LINGO2: variants seen among roughly 807,000 people sequenced by gnomAD.
LINGO2 encodes leucine rich repeat and Ig domain containing 2.
Under a neutral mutation model 30.6 loss-of-function variants are expected in LINGO2, and 14 were observed. The ratio of observed to expected loss-of-function variants is 0.46; its 90% confidence interval spans 0.30 to 0.72. LINGO2 has a LOEUF of 0.72. LINGO2 is among the 30% of genes least tolerant of loss of function. The pLI is 0.07. For synonymous variants in LINGO2, 317 were observed against 288.5 expected, an observed-to-expected ratio of 1.10 and a Z score of -1.00; for missense variants, 729 against 751.7, an observed-to-expected ratio of 0.97 and a Z score of 0.35.
intron 2 of LINGO2, among the ~76,000 whole-genome samples, chr9:28,430,101 C>CGG: frequency 1.3e-5 from 1 of 77,046 alleles, no homozygotes; most frequent in Admixed American, 1.1e-4. Context: ...TTTCCACGCG[C>CGG]GCGCGCGCGT....
chr9:29,170,770 G>A, the LINGO2 span, among the ~76,000 whole-genome samples: 3 of 151,594 alleles, frequency 2.0e-5, no homozygotes, highest in Admixed American at 1.3e-4. Flanking sequence ...CTCCATAGGG[G>A]AAATATAAAT....
chr9:28,066,671 T>C (rs547190965), intron 4 of LINGO2, among the ~76,000 whole-genome samples: 2 of 152,180 alleles, frequency 1.3e-5, no homozygotes, highest in East Asian at 3.9e-4. Flanking sequence ...TTAGAAGAAA[T>C]ACCTGCTGTT....
At chr9:28,901,359 C>T in the LINGO2 span, among the ~76,000 whole-genome samples, 2 of 151,972 alleles carry the variant, frequency 1.3e-5, no homozygotes, top group East Asian at 3.8e-4. Context: ...ATTAGTAACA[C>T]AAAACATATT....
At chr9:28,886,337 A>G in the LINGO2 span, among the ~76,000 whole-genome samples, 1 of 152,110 alleles carries the variant, frequency 6.6e-6, no homozygotes, top group Non-Finnish European at 1.5e-5. Context: ...CTATGAAAAA[A>G]ATTTTTAAAA....
At chr9:28,184,948 C>CAAA (rs1353508733) in intron 4 of LINGO2, among the ~76,000 whole-genome samples, 19 of 152,044 alleles carry the variant, frequency 1.2e-4, no homozygotes, top group African/African-American at 4.6e-4. Flanking sequence ...TAAAACAAAA[C>CAAA]ACAACAAAAC....
the LINGO2 span, among the ~76,000 whole-genome samples, chr9:28,935,197 A>G: frequency 6.6e-6 from 1 of 152,180 alleles, no homozygotes; most frequent in Non-Finnish European, 1.5e-5. Flanking sequence ...AACAGGGTAT[A>G]TATCATGAAG....
intron 5 of LINGO2, among the ~76,000 whole-genome samples, chr9:27,994,086 A>T (rs759749853): frequency 6.6e-6 from 1 of 152,138 alleles, no homozygotes; most frequent in Non-Finnish European, 1.5e-5. Flanking sequence ...AAGGAAACTT[A>T]AAAATTTCTT....
exon 6 of LINGO2, chr9:27,950,564 G>A: frequency 6.5e-7 from 1 of 1,546,080 alleles, no homozygotes; most frequent in Admixed American, 1.9e-5. Context: ...ATTTGTTCTG[G>A]GCAGAGCACT....
chr9:28,035,198 C>A (rs1379732556), intron 4 of LINGO2, among the ~76,000 whole-genome samples: 4 of 152,222 alleles, frequency 2.6e-5, no homozygotes, highest in Admixed American at 2.6e-4. Flanking sequence ...CTTTTGTCAG[C>A]ATACTGCTAA....
chr9:28,909,039 T>A, the LINGO2 span, among the ~76,000 whole-genome samples: 1 of 151,926 alleles, frequency 6.6e-6, no homozygotes, highest in Non-Finnish European at 1.5e-5. Context: ...AACAAACAAA[T>A]AAGTTGTATC....
chr9:28,820,791 A>C, the LINGO2 span, among the ~76,000 whole-genome samples: 23 of 152,202 alleles, frequency 1.5e-4, no homozygotes, highest in African/African-American at 5.1e-4. Flanking sequence ...GTTTTGGCTA[A>C]TAGAGCTGTG....
chr9:28,300,092 A>G (rs1824079270), intron 3 of LINGO2, among the ~76,000 whole-genome samples: 1 of 150,840 alleles, frequency 6.6e-6, no homozygotes, highest in African/African-American at 2.4e-5. Context: ...TTTGAAAGCA[A>G]CAGATGACCT....
the LINGO2 span, among the ~76,000 whole-genome samples, chr9:29,040,784 C>T: frequency 6.6e-6 from 1 of 151,946 alleles, no homozygotes; most frequent in Admixed American, 6.6e-5. Context: ...TATCCAAGAG[C>T]AGAAATGTTT....
intron 5 of LINGO2, among the ~76,000 whole-genome samples, chr9:27,975,637 T>C (rs191175567): frequency 3.3e-5 from 5 of 152,234 alleles, no homozygotes; most frequent in Admixed American, 2.6e-4. Flanking sequence ...TTTTATGTAA[T>C]GTATATAATT....
At chr9:29,163,981 T>A in the LINGO2 span, among the ~76,000 whole-genome samples, 1 of 152,140 alleles carries the variant, frequency 6.6e-6, no homozygotes, top group Non-Finnish European at 1.5e-5. Flanking sequence ...AGTGATGCTA[T>A]GTGATTTCCA....
At chr9:28,042,209 ACT>A (rs1015819535) in intron 4 of LINGO2, among the ~76,000 whole-genome samples, 4 of 152,196 alleles carry the variant, frequency 2.6e-5, no homozygotes, top group African/African-American at 9.6e-5. Context: ...TCAATTTAAA[ACT>A]CTGGTTCATT....
the LINGO2 span, among the ~76,000 whole-genome samples, chr9:29,039,233 T>A: frequency 6.6e-6 from 1 of 152,180 alleles, no homozygotes; most frequent in African/African-American, 2.4e-5. Flanking sequence ...ATACATTTCC[T>A]AGAGATGCTG....
the LINGO2 span, among the ~76,000 whole-genome samples, chr9:29,185,202 A>C: frequency 6.6e-6 from 1 of 152,200 alleles, no homozygotes; most frequent in East Asian, 1.9e-4. Context: ...TGATGGTGGC[A>C]GCAGGAATCC....
chr9:28,501,071 C>T (rs1397054016), intron 1 of LINGO2, among the ~76,000 whole-genome samples: 1 of 151,834 alleles, frequency 6.6e-6, no homozygotes, highest in Non-Finnish European at 1.5e-5. Context: ...GAAAATATTG[C>T]TAAAGGATAT....
Sources: allele counts gnomAD v4.1 joint callset (sites outside exome capture counted in the v4.1 genomes callset), GRCh38; gene constraint gnomAD v4.1.1; transcripts MANE v1.5; gene names NCBI Gene and HGNC (gene_info 2026-07-23, HGNC 2026-07-21).